TBCE: variants seen among roughly 807,000 people sequenced by gnomAD.
TBCE encodes the protein tubulin folding cofactor E, also known as tubulin-specific chaperone E.
Under a neutral mutation model 77.0 loss-of-function variants are expected in TBCE, and 53 were observed. That is an observed-to-expected ratio of 0.69 (90% CI 0.55 to 0.87). The LOEUF (loss-of-function observed/expected upper bound fraction) is 0.87. Ranked by LOEUF, TBCE falls within the 40% of genes least tolerant of loss-of-function variation. The probability of loss-of-function intolerance (pLI) is 0.00; values close to 1 mark genes in which losing one functional copy is unlikely to be tolerated. For missense variants in TBCE, 624 were observed against 622.4 expected (o/e 1.00, Z -0.03); for synonymous variants, 235 against 241.3 (o/e 0.97, Z 0.24).
chr1:235,430,594 T>G, intron 6 of TBCE, 111 bp from the exon 7 acceptor site: 1 of 727,916 alleles, frequency 1.4e-6, no homozygotes, highest in East Asian at 2.8e-5. Flanking sequence ...ATTTTAAGAT[T>G]GAAACAAATC....
At chr1:235,397,734 C>T (rs1033321026) in intron 2 of TBCE, among the ~76,000 whole-genome samples, 26 of 152,100 alleles carry the variant, frequency 1.7e-4, no homozygotes, top group African/African-American at 5.8e-4. Context: ...GTGTCTGGTT[C>T]AGTCTTCTGT....
intron 15 of TBCE, among the ~76,000 whole-genome samples, chr1:235,444,916 A>G (rs1682143150): frequency 6.6e-6 from 1 of 152,266 alleles, no homozygotes; most frequent in Non-Finnish European, 1.5e-5. Flanking sequence ...CCGTCTGGGC[A>G]TATGCCTGAA....
rs1682769042 is a variant in TBCE, at chr1:235,449,597, A to G, written c.*835A>G. 6.6e-6 allele frequency: 1 copy of G among 152,422 alleles called. No homozygotes were observed. The highest frequency in any genetic ancestry group is 2.4e-5 in the African/African-American group (1 of 41,446). 9.4% of individuals were successfully genotyped at this position (152,422 alleles called of 1,614,324 possible). A position where few individuals can be genotyped will look rare whatever the true frequency, so the allele number is the denominator to read the frequency against. ...CTACCATATAAATGAACTTCTTTAA[A>G]ACCAAGGTTCAGAACTGAGAATCAT... On this transcript the variant is annotated 3_prime_UTR_variant, in exon 17 of 17. Coordinates refer to ENST00000642610, the MANE Select transcript of TBCE (RefSeq NM_003193.5).
chr1:235,394,418 CTTTTTTT>C (rs386370043), intron 2 of TBCE, among the ~76,000 whole-genome samples: 1,428 of 72,346 alleles, frequency 0.02, 16 homozygotes, highest in African/African-American at 0.026. Flanking sequence ...TTGATAATTT[CTTTTTTT>C]TTTTTTTTTT....
At chr1:235,435,438 AAT>A (rs1681383416) in intron 8 of TBCE, among the ~76,000 whole-genome samples, 1 of 136,548 alleles carries the variant, frequency 7.3e-6, no homozygotes, top group African/African-American at 3.2e-5. Flanking sequence ...ATTTTGAGAT[AAT>A]CATATATTCA....
intron 2 of TBCE, among the ~76,000 whole-genome samples, chr1:235,399,302 G>A (rs1328898944): frequency 6.6e-6 from 1 of 152,136 alleles, no homozygotes; most frequent in Admixed American, 6.6e-5. Context: ...TGGAGTTGTG[G>A]TGGTATGATA....
At position 235,419,229 on chromosome 1, in the gene TBCE, C is replaced by T. The variant is rs528944948; in HGVS notation, c.372-244C>T. ...CTAAAAAGCAAAAAGAAAAGTTTACCTCTGGGAGTAGAGGGAGAATTGTGT... is the reference window on the plus strand; with the variant it reads ...CTAAAAAGCAAAAAGAAAAGTTTACTTCTGGGAGTAGAGGGAGAATTGTGT... On this transcript the variant is annotated intron_variant, in intron 4 of 16. Transcript: ENST00000642610. The T allele has an allele frequency of 1.0e-5, 6 of 597,008 alleles. No individual in the cohort carries two copies. In the South Asian group the frequency reaches 1.0e-4, roughly 10 times the overall value. The allele number at this position is 597,008 out of a possible 1,614,324, so 37.0% of individuals were successfully genotyped here. A position where few individuals can be genotyped will look rare whatever the true frequency, so the allele number is the denominator to read the frequency against.
At chr1:235,405,143 A>G (rs970304350) in intron 3 of TBCE, among the ~76,000 whole-genome samples, 2 of 151,342 alleles carry the variant, frequency 1.3e-5, no homozygotes, top group South Asian at 2.1e-4. Context: ...TTGTATTTTT[A>G]GTGGAGACGG....
At position 235,441,796 on chromosome 1, in the gene TBCE, T is replaced by C. The variant is rs1210512108; in HGVS notation, c.1271-18T>C. 1.2e-6 allele frequency: 2 copies of C among 1,612,746 alleles called. No homozygotes were observed. Among genetic ancestry groups the C allele is most frequent in the Non-Finnish European group, 8.5e-7 (1 of 1,178,886 alleles). ...TGGCCTTTGGTTTATCATTCATCTC[T>C]TTTGCTTTCTTAAACAGAATATGGT... On this transcript the variant is annotated intron_variant, in intron 13 of 16. Coordinates refer to ENST00000642610, the MANE Select transcript of TBCE (RefSeq NM_003193.5).
At chr1:235,399,493 C>T (rs1678953616) in intron 2 of TBCE, among the ~76,000 whole-genome samples, 1 of 127,666 alleles carries the variant, frequency 7.8e-6, no homozygotes, top group Non-Finnish European at 1.7e-5. Flanking sequence ...TCATAAGACC[C>T]TCCCGGAGAG....
At chr1:235,432,242 C>T (rs1169427152) in intron 7 of TBCE, among the ~76,000 whole-genome samples, 1 of 152,162 alleles carries the variant, frequency 6.6e-6, no homozygotes, top group Admixed American at 6.5e-5. Context: ...TCTCAGCCTC[C>T]CAAAATGCTG....
chr1:235,421,043 G>T (rs77452241), intron 5 of TBCE, among the ~76,000 whole-genome samples: 10,206 of 152,192 alleles, frequency 0.067, 645 homozygotes, highest in African/African-American at 0.17. Context: ...TTCTCTACCT[G>T]CTCTTATTAG....
intron 13 of TBCE, among the ~76,000 whole-genome samples, chr1:235,440,189 C>G (rs1255715757): frequency 1.3e-5 from 2 of 152,238 alleles, no homozygotes; most frequent in South Asian, 2.1e-4. Context: ...CCAGGATGGT[C>G]TCGATCTCCT....
At position 235,451,722 on chromosome 1, in the gene TBCE, G is replaced by C. The variant is rs1682910846; in HGVS notation, c.*2960G>C. On this transcript the variant is annotated 3_prime_UTR_variant, in exon 17 of 17. Coordinates refer to ENST00000642610, the MANE Select transcript of TBCE (RefSeq NM_003193.5). ...TGCTCTGGGACCCCAGCTCTATGCA[G>C]GGCTTCTAACTGACAGACACTGCAT... 6.6e-6 allele frequency: 1 copy of C among 152,204 alleles called. No homozygotes were observed. Among genetic ancestry groups the C allele is most frequent in the Non-Finnish European group, 1.5e-5 (1 of 68,040 alleles). The allele number at this position is 152,204 out of a possible 1,614,324, so 9.4% of individuals were successfully genotyped here. A position where few individuals can be genotyped will look rare whatever the true frequency, so the allele number is the denominator to read the frequency against.
At chr1:235,371,017 GGT>G (rs1455795357) in intron 1 of TBCE, among the ~76,000 whole-genome samples, 2 of 133,588 alleles carry the variant, frequency 1.5e-5, no homozygotes, top group Non-Finnish European at 3.1e-5. Flanking sequence ...TGGGATTACA[GGT>G]GTGAGCTATC....
chr1:235,432,435 C>G (rs1447482547), intron 7 of TBCE, among the ~76,000 whole-genome samples: 1 of 152,204 alleles, frequency 6.6e-6, no homozygotes, highest in Non-Finnish European at 1.5e-5. Flanking sequence ...TAGGGCCCCT[C>G]CTCTGTGAGG....
chr1:235,414,301 A>G (rs1389049828), intron 3 of TBCE, 132 bp from the exon 4 acceptor site: 3 of 763,426 alleles, frequency 3.9e-6, no homozygotes, highest in Non-Finnish European at 6.7e-6. Context: ...TTATTTTAGT[A>G]TGTGATATTC....
At chr1:235,430,402 GCTCACCT>G in intron 6 of TBCE, 2 of 321,454 alleles carry the variant, frequency 6.2e-6, no homozygotes, top group South Asian at 5.7e-5. Flanking sequence ...GAAGCTGGAA[GCTCACCT>G]TGCAAATGCC....
intron 3 of TBCE, among the ~76,000 whole-genome samples, chr1:235,409,686 GT>G (rs1051619672): frequency 6.7e-6 from 1 of 150,144 alleles, no homozygotes; most frequent in Non-Finnish European, 1.5e-5. Context: ...ATGACTTCTT[GT>G]TTTTTTACCA....
Sources: gnomAD v4.1 joint callset for allele counts (sites outside exome capture counted in the v4.1 genomes callset) on GRCh38, gnomAD v4.1.1 for gene constraint, MANE v1.5 for transcripts, NCBI Gene and HGNC (gene_info 2026-07-23, HGNC 2026-07-21) for gene names.